Variants in ISOC1 observed in about 807,000 individuals in gnomAD.
ISOC1 encodes isochorismatase domain-containing protein 1.
ISOC1 carries 33 observed loss-of-function variants against 30.0 expected under a neutral mutation model. The ratio of observed to expected loss-of-function variants is 1.10; its 90% CI spans 0.83 to 1.47. The LOEUF (loss-of-function observed/expected upper bound fraction) is 1.47, where lower values mean the gene tolerates loss of function less well. ISOC1 is among the 40% of genes most tolerant of loss of function. The pLI, the probability that ISOC1 is intolerant of heterozygous loss-of-function variation, is 0.00. For missense variants in ISOC1, 372 were observed against 388.0 expected (o/e 0.96, Z 0.35); for synonymous variants, 178 against 159.8 (o/e 1.11, Z -0.86).
intron 4 of ISOC1, among the ~76,000 whole-genome samples, chr5:129,110,858 A>T (rs1279571385): frequency 2.0e-5 from 3 of 152,212 alleles, no homozygotes; most frequent in Non-Finnish European, 4.4e-5. Context: ...TATACAGTGT[A>T]AAGCACTCTC....
chr5:129,101,099 C>T (rs377530833), intron 1 of ISOC1, among the ~76,000 whole-genome samples: 10 of 139,436 alleles, frequency 7.2e-5, no homozygotes, highest in South Asian at 2.3e-4. Flanking sequence ...CTCGACCTCC[C>T]GTTCTCAGAG....
In ISOC1 at chr5:129,105,126, C is replaced by CATATATAT. The variant is rs138572147; in HGVS notation, c.430-52_430-51insTATATATA. The CATATATAT allele has an allele frequency of 5.2e-5, 84 of 1,611,624 alleles. No individual in the cohort carries two copies. The African/African-American group carries it at 1.0e-3, about 20-fold the overall frequency. On this transcript the variant is annotated intron_variant, in intron 2 of 4. Transcript: ENST00000173527. Reference sequence around the variant, plus strand: ...TATTTGCTGAATCATCATATACACTCATATATACACATATATGTATATAGC... The same window carrying CATATATAT: ...TATTTGCTGAATCATCATATACACTCATATATATATATATACACATATATGTATATAGC...
chr5:129,101,192 A>ATAT (rs57103158), intron 1 of ISOC1, among the ~76,000 whole-genome samples: 3 of 42,234 alleles, frequency 7.1e-5, no homozygotes, highest in African/African-American at 5.5e-4. Flanking sequence ...AAAAAAAAAA[A>ATAT]ATATATATAT....
At chr5:129,103,518 A>G (rs750592566) in intron 1 of ISOC1, among the ~76,000 whole-genome samples, 1 of 152,208 alleles carries the variant, frequency 6.6e-6, no homozygotes, top group South Asian at 2.1e-4. Flanking sequence ...TAGCTAGTTA[A>G]TACACATCTA....
At chr5:129,101,785 C>G (rs1753574793) in intron 1 of ISOC1, among the ~76,000 whole-genome samples, 1 of 152,226 alleles carries the variant, frequency 6.6e-6, no homozygotes, top group Admixed American at 6.5e-5. Context: ...AACTAGGATA[C>G]CAATTACATT....
intron 1 of ISOC1, among the ~76,000 whole-genome samples, chr5:129,101,004 C>T (rs913826765): frequency 7.2e-6 from 1 of 138,298 alleles, no homozygotes; most frequent in Admixed American, 7.5e-5. Context: ...TTCCTGTACC[C>T]AGATTCCCTA....
At chr5:129,099,744 T>G (rs1299405104) in intron 1 of ISOC1, among the ~76,000 whole-genome samples, 1 of 152,332 alleles carries the variant, frequency 6.6e-6, no homozygotes, top group South Asian at 2.1e-4. Context: ...TAACATATGC[T>G]AAGTTTTAGA....
intron 1 of ISOC1, among the ~76,000 whole-genome samples, chr5:129,104,147 T>A (rs761972620): frequency 2.0e-5 from 3 of 152,126 alleles, no homozygotes; most frequent in Non-Finnish European, 4.4e-5. Flanking sequence ...CAAATATAGG[T>A]CTCTTCCTTG....
intron 1 of ISOC1, among the ~76,000 whole-genome samples, chr5:129,102,775 TG>T (rs1052566637): frequency 2.6e-5 from 4 of 152,232 alleles, no homozygotes; most frequent in African/African-American, 9.6e-5. Flanking sequence ...CATCATTTCT[TG>T]CTGCTATCAG....
intron 4 of ISOC1, among the ~76,000 whole-genome samples, chr5:129,111,643 G>T (rs1232965605): frequency 6.6e-6 from 1 of 151,816 alleles, no homozygotes; most frequent in African/African-American, 2.4e-5. Context: ...TGGGATTTCT[G>T]ATAACACATA....
intron 4 of ISOC1, among the ~76,000 whole-genome samples, chr5:129,107,488 T>C (rs867277139): frequency 2.6e-5 from 4 of 151,908 alleles, no homozygotes; most frequent in African/African-American, 9.7e-5. Context: ...TATCCACAGA[T>C]AGAAAATATC....
intron 4 of ISOC1, 29 bp downstream of exon 4, chr5:129,107,091 T>C: frequency 1.3e-6 from 2 of 1,531,924 alleles, no homozygotes; most frequent in African/African-American, 1.4e-5. Flanking sequence ...AATAGATCAT[T>C]TGTCAAGTTT....
Position 129,105,203 on chromosome 5 carries a change from T to C in ISOC1, c.448T>C (p.Leu150=). The change falls in exon 3 of 5, where the codon TTA becomes CTA. Residue 150 remains leucine, a synonymous_variant. Coordinates refer to ENST00000173527, the MANE Select transcript of ISOC1 (RefSeq NM_016048.2). ...GQRLLQGARI[L]GIPVIVTEQY... The stretch of plus-strand genomic sequence containing the variant: ...TTTTCAGTTGCAAGGGGCCCGGATT[T>C]TAGGAATTCCTGTTATTGTAACAGA... 1 of 1,613,750 alleles carries C rather than the reference T, an allele frequency of 6.2e-7. No homozygotes were observed. The highest frequency in any genetic ancestry group is 8.5e-7 in the Non-Finnish European group (1 of 1,179,808).
Position 129,094,765 on chromosome 5 carries a change from A to C in ISOC1, c.-2A>C. 6.7e-7 allele frequency: 1 copy of C among 1,492,564 alleles called. No homozygotes were observed. The highest frequency in any genetic ancestry group is 8.9e-7 in the Non-Finnish European group (1 of 1,126,620). The allele number at this position is 1,492,564 out of a possible 1,614,324, so 92.5% of individuals were successfully genotyped here. A position where few individuals can be genotyped will look rare whatever the true frequency, so the allele number is the denominator to read the frequency against. On this transcript the variant is annotated 5_prime_UTR_variant, in exon 1 of 5. Coordinates refer to ENST00000173527, the MANE Select transcript of ISOC1 (RefSeq NM_016048.2). ...TCGGAGCTCGCAGACGCTCGGGGGAACATGGCGGCTGCGGAGCCGGCGGTC... is the reference window on the plus strand; with the variant it reads ...TCGGAGCTCGCAGACGCTCGGGGGACCATGGCGGCTGCGGAGCCGGCGGTC...
rs746726186 is a variant in ISOC1 at position 129,104,963 on chromosome 5, C to G, written c.317C>G (p.Thr106Ser). The G allele has an allele frequency of 1.1e-5, 18 of 1,613,116 alleles. No homozygotes were observed. Among genetic ancestry groups the G allele is most frequent in the Non-Finnish European group, 1.4e-5 (16 of 1,179,666 alleles). Reference protein sequence around the residue: ...RLVPLQIQLTTLGNLTPSSTV... With the variant: ...RLVPLQIQLTSLGNLTPSSTV... ...TTTTTCTTTTTTCCTCAGCTCACTACCCTGGGAAATCTTACACCTTCAAGC... is the reference window on the plus strand; with the variant it reads ...TTTTTCTTTTTTCCTCAGCTCACTAGCCTGGGAAATCTTACACCTTCAAGC... Residue 106 changes from threonine (T) to serine (S), a missense_variant, in exon 2 of 5, where the codon ACC (threonine) becomes AGC (serine). By Grantham distance (58) the Thr-to-Ser change is moderately conservative. Coordinates refer to ENST00000173527, the MANE Select transcript of ISOC1 (RefSeq NM_016048.2).
chr5:129,095,285 G>A (rs1409977953), intron 1 of ISOC1, among the ~76,000 whole-genome samples: 1 of 152,216 alleles, frequency 6.6e-6, no homozygotes, highest in Non-Finnish European at 1.5e-5. Context: ...GTCACCAGCT[G>A]TCCCCGGCGG....
intron 3 of ISOC1, among the ~76,000 whole-genome samples, chr5:129,105,745 ATG>A (rs763510974): frequency 6.6e-6 from 1 of 152,076 alleles, no homozygotes; most frequent in Non-Finnish European, 1.5e-5. Context: ...CATTATTTTA[ATG>A]TATGTGTTGT....
intron 3 of ISOC1, 64 bp from the exon 4 acceptor site, chr5:129,106,882 T>C (rs1753643870): frequency 8.9e-7 from 1 of 1,124,236 alleles, no homozygotes; most frequent in East Asian, 2.5e-5. Context: ...CATGTTGTTG[T>C]ACATTTGTAA....
At chr5:129,103,689 C>T (rs1185488497) in intron 1 of ISOC1, among the ~76,000 whole-genome samples, 1 of 151,996 alleles carries the variant, frequency 6.6e-6, no homozygotes, top group East Asian at 1.9e-4. Context: ...AGAGTCAACC[C>T]CTGCAGAGAT....
Sources: gnomAD v4.1 joint callset for allele counts (sites outside exome capture counted in the v4.1 genomes callset) on GRCh38, gnomAD v4.1.1 for gene constraint, MANE v1.5 for transcripts, NCBI Gene and HGNC (gene_info 2026-07-23, HGNC 2026-07-21) for gene names.